The following TBCK variants were observed in gnomAD, a reference collection of about 807,000 sequenced individuals.
TBCK encodes TBC1 domain containing kinase.
A neutral mutation model predicts 113.4 loss-of-function variants in TBCK; 99 were observed. The ratio of observed to expected loss-of-function variants is 0.87; its 90% CI spans 0.74 to 1.03. The LOEUF (loss-of-function observed/expected upper bound fraction) is 1.03, where lower values mean the gene tolerates loss of function less well. Among genes scored for constraint, TBCK ranks in the 50% least tolerant of loss-of-function variants. TBCK has a pLI of 0.00. For synonymous variants in TBCK, 369 were observed against 370.8 expected, an observed-to-expected ratio of 1.00 and a Z score of 0.05; for missense variants, 1,045 against 1,061.3, an observed-to-expected ratio of 0.98 and a Z score of 0.21.
At chr4:106,072,847 G>T (rs1737638971) in intron 25 of TBCK, among the ~76,000 whole-genome samples, 1 of 151,838 alleles carries the variant, frequency 6.6e-6, no homozygotes, top group African/African-American at 2.4e-5. Flanking sequence ...TCATTAATTT[G>T]ATCTTCAATC....
At chr4:106,163,800 A>G (rs1318864006) in intron 23 of TBCK, among the ~76,000 whole-genome samples, 1 of 152,174 alleles carries the variant, frequency 6.6e-6, no homozygotes, top group African/African-American at 2.4e-5. Context: ...CTACAATTCA[A>G]GATCAGACTT....
At chr4:106,102,083 G>A (rs1053127004) in intron 24 of TBCK, among the ~76,000 whole-genome samples, 11 of 152,144 alleles carry the variant, frequency 7.2e-5, no homozygotes, top group African/African-American at 2.7e-4. Flanking sequence ...ACAAAAAAAC[G>A]TGATTTCAAC....
At chr4:106,315,104 C>T (rs770799386) in intron 1 of TBCK, among the ~76,000 whole-genome samples, 50 of 152,108 alleles carry the variant, frequency 3.3e-4, no homozygotes, top group Non-Finnish European at 6.9e-4. Flanking sequence ...CATACATTCA[C>T]TTACACCTCG....
intron 5 of TBCK, among the ~76,000 whole-genome samples, 185 bp downstream of exon 5, chr4:106,260,252 G>A (rs983895874): frequency 3.3e-5 from 5 of 151,796 alleles, no homozygotes; most frequent in African/African-American, 7.2e-5. Context: ...GAACATCAAC[G>A]AGGATGCTGG....
chr4:106,294,281 G>A (rs768337511), intron 3 of TBCK, among the ~76,000 whole-genome samples: 8 of 150,056 alleles, frequency 5.3e-5, no homozygotes, highest in Non-Finnish European at 8.9e-5. Context: ...CCTCCGCCCC[G>A]CGGGTTCAAG....
intron 2 of TBCK, among the ~76,000 whole-genome samples, chr4:106,308,107 T>C (rs1229114924): frequency 6.6e-6 from 1 of 152,176 alleles, no homozygotes; most frequent in Non-Finnish European, 1.5e-5. Context: ...AAGAAATATG[T>C]TTAAGAATAG....
At chr4:106,194,658 G>A (rs1270998512) in intron 21 of TBCK, 60 bp downstream of exon 21, 1 of 1,250,560 alleles carries the variant, frequency 8.0e-7, no homozygotes, top group East Asian at 2.4e-5. Flanking sequence ...AATATGGGGA[G>A]GCATCGGGCT....
chr4:106,305,914 C>T (rs1227469686), intron 2 of TBCK, among the ~76,000 whole-genome samples: 1 of 152,204 alleles, frequency 6.6e-6, no homozygotes, highest in Non-Finnish European at 1.5e-5. Flanking sequence ...CATGAATAAT[C>T]CACTCATTGT....
chr4:106,297,425 T>A (rs1193922481), intron 2 of TBCK, among the ~76,000 whole-genome samples: 1 of 152,180 alleles, frequency 6.6e-6, no homozygotes, highest in Non-Finnish European at 1.5e-5. Flanking sequence ...GTCCTGTTAT[T>A]TTTACTTCTC....
At position 106,261,045 on chromosome 4, in the gene TBCK, CATAAGT is replaced by C. The variant is rs1762457333; in HGVS notation, c.382-541_382-536del. ...ATTGTTTGAGAACAAAAATAACTAT[CATAAGT>C]ATAAGGCTCTTAATAAATGATAAAT... is the stretch of plus-strand genomic sequence containing the variant. On this transcript the variant is annotated intron_variant, in intron 4 of 25. Transcript: ENST00000394708. Among the ~76,000 whole-genome samples, 4 of 152,064 alleles carry C rather than the reference CATAAGT, an allele frequency of 2.6e-5. No individual in the cohort carries two copies. In the South Asian group the frequency reaches 6.2e-4, roughly 24 times the overall value.
intron 22 of TBCK, among the ~76,000 whole-genome samples, chr4:106,188,455 AT>A (rs776168521): frequency 7.9e-5 from 12 of 152,326 alleles, no homozygotes; most frequent in Non-Finnish European, 1.8e-4. Flanking sequence ...TATAAACCTA[AT>A]GCCATCATTG....
chr4:106,088,914 C>T (rs1207671943), intron 25 of TBCK, among the ~76,000 whole-genome samples: 2 of 152,050 alleles, frequency 1.3e-5, no homozygotes, highest in African/African-American at 4.8e-5. Flanking sequence ...AACAATACAC[C>T]CCATGGCTGT....
At chr4:106,090,148 G>A (rs185818288) in intron 25 of TBCK, among the ~76,000 whole-genome samples, 1 of 152,338 alleles carries the variant, frequency 6.6e-6, no homozygotes, top group African/African-American at 2.4e-5. Context: ...GAATCCAGGT[G>A]GGAGTTGCGA....
At chr4:106,301,441 A>G (rs1304491146) in intron 2 of TBCK, among the ~76,000 whole-genome samples, 14 of 152,144 alleles carry the variant, frequency 9.2e-5, no homozygotes, top group Admixed American at 9.2e-4. Flanking sequence ...TCACAAGAAA[A>G]GATAAAATTT....
At chr4:106,081,870 C>T (rs572140280) in intron 25 of TBCK, among the ~76,000 whole-genome samples, 7 of 152,222 alleles carry the variant, frequency 4.6e-5, no homozygotes, top group Admixed American at 2.0e-4. Context: ...CATCACTAAT[C>T]GTCAGTGAAA....
At chr4:106,244,561 A>G in intron 11 of TBCK, 65 bp downstream of exon 11, 2 of 1,238,410 alleles carry the variant, frequency 1.6e-6, no homozygotes, top group Non-Finnish European at 2.1e-6. Context: ...CTTTTTTATT[A>G]TTACCATAGA....
chr4:106,233,596 C>G lies in TBCK; in HGVS notation c.1504G>C (p.Asp502His). 6 of 1,610,980 alleles carry G rather than the reference C, an allele frequency of 3.7e-6. No homozygotes were observed. Among genetic ancestry groups the G allele is most frequent in the Non-Finnish European group, 5.1e-6 (6 of 1,178,154 alleles). The change falls in exon 16 of 26, where the codon GAT (aspartate) becomes CAT (histidine). Residue 502 changes from aspartate (D) to histidine (H), a missense_variant. Transcript: ENST00000394708. ...GAAAACCTAAATCATACTTGTCTATCTGTAGGAATTGGAGTGTCTTTATCA... is the reference window on the plus strand; with the variant it reads ...GAAAACCTAAATCATACTTGTCTATGTGTAGGAATTGGAGTGTCTTTATCA... ...AIDKDTPIPTDRQIEVDIPRC... is the reference protein window; with the variant it reads ...AIDKDTPIPTHRQIEVDIPRC...
chr4:106,166,719 T>C (rs919671436), intron 23 of TBCK, among the ~76,000 whole-genome samples: 1 of 151,728 alleles, frequency 6.6e-6, no homozygotes, highest in Non-Finnish European at 1.5e-5. Context: ...CAGTATGTCT[T>C]TTTGTTAGTG....
chr4:106,098,721 G>T (rs1330498303), intron 24 of TBCK, among the ~76,000 whole-genome samples: 3 of 152,172 alleles, frequency 2.0e-5, no homozygotes, highest in Non-Finnish European at 2.9e-5. Context: ...TATGCTGAAT[G>T]CACTACAGGA....
Sources: gnomAD v4.1 joint callset for allele counts (sites outside exome capture counted in the v4.1 genomes callset) on GRCh38, gnomAD v4.1.1 for gene constraint, MANE v1.5 for transcripts, NCBI Gene and HGNC (gene_info 2026-07-23, HGNC 2026-07-21) for gene names.